METTL24: variants seen among roughly 807,000 people sequenced by gnomAD.
METTL24 encodes the protein probable methyltransferase-like protein 24.
Under a neutral mutation model 32.7 loss-of-function variants are expected in METTL24, and 29 were observed. The ratio of observed to expected loss-of-function variants is 0.89; its 90% confidence interval spans 0.66 to 1.21. METTL24 has a LOEUF of 1.21. Among genes scored for constraint, METTL24 ranks in the 50% most tolerant of loss-of-function variants. The pLI is 0.00. For missense variants in METTL24, 439 were observed against 468.1 expected (o/e 0.94, Z 0.57); for synonymous variants, 163 against 179.5 (o/e 0.91, Z 0.73).
intron 4 of METTL24, among the ~76,000 whole-genome samples, chr6:110,260,217 A>G (rs138810714): frequency 1.3e-3 from 202 of 152,340 alleles, no homozygotes; most frequent in African/African-American, 4.5e-3. Context: ...AAAACTTTGA[A>G]AAAAGATTAG....
intron 1 of METTL24, among the ~76,000 whole-genome samples, chr6:110,356,630 A>G (rs1015183051): frequency 6.6e-6 from 1 of 152,062 alleles, no homozygotes; most frequent in African/African-American, 2.4e-5. Flanking sequence ...GAGAATCTGA[A>G]CTCGTTTTGT....
At chr6:110,341,391 G>T (rs539978060) in intron 1 of METTL24, among the ~76,000 whole-genome samples, 29 of 152,264 alleles carry the variant, frequency 1.9e-4, no homozygotes, top group African/African-American at 5.8e-4. Flanking sequence ...GTAGCTATCT[G>T]CTCCTGATTG....
chr6:110,332,851 G>C (rs1239504027), intron 1 of METTL24, among the ~76,000 whole-genome samples: 1 of 151,432 alleles, frequency 6.6e-6, no homozygotes, highest in Non-Finnish European at 1.5e-5. Flanking sequence ...CAAGGTTACA[G>C]TGAGCTATGG....
At chr6:110,281,663 G>A (rs1771138795) in intron 4 of METTL24, among the ~76,000 whole-genome samples, 2 of 149,306 alleles carry the variant, frequency 1.3e-5, no homozygotes. Flanking sequence ...AAAAAAAAAA[G>A]GAGCGGGGGG....
At chr6:110,305,066 A>G (rs554568564) in intron 3 of METTL24, among the ~76,000 whole-genome samples, 2 of 152,206 alleles carry the variant, frequency 1.3e-5, no homozygotes, top group Non-Finnish European at 2.9e-5. Flanking sequence ...ACTAAGCTTC[A>G]TAAGTGAAGG....
intron 4 of METTL24, among the ~76,000 whole-genome samples, chr6:110,286,160 GGA>G (rs1771217199): frequency 6.6e-6 from 1 of 152,172 alleles, no homozygotes; most frequent in Admixed American, 6.5e-5. Context: ...GACTGGGTGG[GGA>G]GAGAGAGGGG....
At chr6:110,344,121 G>A (rs1772419607) in intron 1 of METTL24, among the ~76,000 whole-genome samples, 1 of 152,170 alleles carries the variant, frequency 6.6e-6, no homozygotes, top group Admixed American at 6.5e-5. Flanking sequence ...TTATAAGGGT[G>A]GGTAACGGAG....
chr6:110,351,297 A>G (rs1050021963), intron 1 of METTL24, among the ~76,000 whole-genome samples: 1 of 152,236 alleles, frequency 6.6e-6, no homozygotes, highest in African/African-American at 2.4e-5. Flanking sequence ...TTGTAGGCGT[A>G]TATTCACTAA....
At chr6:110,332,814 T>C (rs1247131820) in intron 1 of METTL24, among the ~76,000 whole-genome samples, 5 of 150,434 alleles carry the variant, frequency 3.3e-5, no homozygotes, top group Non-Finnish European at 1.5e-5. Flanking sequence ...GAGGCTGAGG[T>C]AGGAGGATCG....
At chr6:110,300,944 T>G (rs1771507125) in intron 3 of METTL24, among the ~76,000 whole-genome samples, 3 of 152,184 alleles carry the variant, frequency 2.0e-5, no homozygotes, top group Non-Finnish European at 4.4e-5. Context: ...CAGGAGGATG[T>G]GCATTGGTTA....
chr6:110,323,506 A>G (rs1200619838), intron 1 of METTL24, among the ~76,000 whole-genome samples: 3 of 152,114 alleles, frequency 2.0e-5, no homozygotes, highest in African/African-American at 7.2e-5. Context: ...TGCTCCCAAG[A>G]ACAGAGTGGT....
intron 2 of METTL24, among the ~76,000 whole-genome samples, chr6:110,319,448 GATAGATAGAT>G (rs1562236253): frequency 0.01 from 1,532 of 152,124 alleles, 25 homozygotes; most frequent in African/African-American, 0.035. Context: ...TAGATAGATA[GATAGATAGAT>G]AGATGACAGA....
intron 4 of METTL24, among the ~76,000 whole-genome samples, chr6:110,270,055 C>T (rs1295989308): frequency 1.3e-5 from 2 of 152,080 alleles, no homozygotes; most frequent in South Asian, 2.1e-4. Flanking sequence ...AACGATGATC[C>T]TTTGAAAATC....
At chr6:110,273,523 GA>G (rs1012015936) in intron 4 of METTL24, among the ~76,000 whole-genome samples, 194 of 143,246 alleles carry the variant, frequency 1.4e-3, no homozygotes, top group Middle Eastern at 7.0e-3. Flanking sequence ...AAATCATCAA[GA>G]AAAAAAAAAC....
chr6:110,328,100 T>G (rs867747695), intron 1 of METTL24, among the ~76,000 whole-genome samples: 2 of 152,208 alleles, frequency 1.3e-5, no homozygotes, highest in African/African-American at 4.8e-5. Flanking sequence ...GGTATTACAA[T>G]GAGTTGCCAC....
At chr6:110,320,435 A>G (rs916372028) in intron 2 of METTL24, among the ~76,000 whole-genome samples, 8 of 152,186 alleles carry the variant, frequency 5.3e-5, no homozygotes, top group Non-Finnish European at 1.0e-4. Flanking sequence ...AAAGATTCTG[A>G]TTAAGAACCA....
chr6:110,291,424 G>A (rs1304647157), intron 4 of METTL24, among the ~76,000 whole-genome samples: 1 of 152,052 alleles, frequency 6.6e-6, no homozygotes, highest in Admixed American at 6.6e-5. Flanking sequence ...ATAACCAGTT[G>A]TTCCAGCACC....
chr6:110,305,015 TA>T (rs1453068704), intron 3 of METTL24, among the ~76,000 whole-genome samples: 1 of 152,160 alleles, frequency 6.6e-6, no homozygotes, highest in East Asian at 1.9e-4. Context: ...TCAACATTTT[TA>T]AAGAAAATAA....
In METTL24 at chr6:110,357,959, C is replaced by T. The variant is rs770260036; in HGVS notation, c.314G>A (p.Arg105Gln). The T allele has an allele frequency of 2.8e-5, 34 of 1,193,426 alleles. No homozygotes were observed. Among genetic ancestry groups the T allele is most frequent in the Admixed American group, 4.1e-5 (1 of 24,112 alleles). 73.9% of individuals were successfully genotyped at this position (1,193,426 alleles called of 1,614,324 possible). ...ACCGACCGCTTTGCAACTGACCTTC[C>T]GGCGGGGGCGCCCGCGCGGGGCACA... ...GCCAPRGRPR[R>Q]KGPRWHIDLQ... Residue 105 changes from arginine to glutamine, a missense_variant, in exon 1 of 5, where the codon CGG becomes CAG. Arg to Gln is a conservative substitution (Grantham distance 43). Transcript: ENST00000338882.
Sources: allele counts gnomAD v4.1 joint callset (sites outside exome capture counted in the v4.1 genomes callset), GRCh38; gene constraint gnomAD v4.1.1; transcripts MANE v1.5; gene names NCBI Gene and HGNC (gene_info 2026-07-23, HGNC 2026-07-21).